The following AMBRA1 variants were observed in gnomAD, a reference collection of about 807,000 sequenced individuals.
The protein encoded by AMBRA1 is activating molecule in BECN1-regulated autophagy protein 1.
Under a neutral mutation model 125.4 loss-of-function variants are expected in AMBRA1, and 47 were observed. That is an observed-to-expected ratio of 0.37 (90% CI 0.30 to 0.48). AMBRA1 has a LOEUF of 0.48. Among genes scored for constraint, AMBRA1 ranks in the 20% least tolerant of loss-of-function variants. AMBRA1 has a pLI of 0.99. For synonymous variants in AMBRA1, 626 were observed against 655.5 expected, an observed-to-expected ratio of 0.95 and a Z score of 0.69; for missense variants, 1,331 against 1,693.4, an observed-to-expected ratio of 0.79 and a Z score of 3.76.
In AMBRA1 at chr11:46,587,333, T is replaced by C. The variant is rs564724979; in HGVS notation, c.-121+6495A>G. Among the ~76,000 whole-genome samples, 73 of 152,144 alleles carry C rather than the reference T, an allele frequency of 4.8e-4. 1 individual carries two copies. The highest frequency in any genetic ancestry group is 1.7e-3 in the African/African-American group (69 of 41,500). On this transcript the variant is annotated intron_variant, in intron 1 of 17. Transcript: ENST00000683756. ...AGGTGGAGGCTGCAGTGAGCCAAGA[T>C]TGCACCACTGCACTCCAGCCTGGGC...
At chr11:46,432,287 T>G (rs1467085324) in intron 14 of AMBRA1, among the ~76,000 whole-genome samples, 4 of 152,132 alleles carry the variant, frequency 2.6e-5, no homozygotes, top group Non-Finnish European at 5.9e-5. Flanking sequence ...TCTATTAAGA[T>G]GGATGCCACA....
At chr11:46,474,181 G>A (rs560415660) in intron 11 of AMBRA1, among the ~76,000 whole-genome samples, 2 of 151,932 alleles carry the variant, frequency 1.3e-5, no homozygotes, top group Admixed American at 6.6e-5. Context: ...AAAAAAAAGA[G>A]TAGCAATAAA....
At chr11:46,419,347 G>C (rs1038047694) in intron 14 of AMBRA1, among the ~76,000 whole-genome samples, 1 of 152,156 alleles carries the variant, frequency 6.6e-6, no homozygotes, top group African/African-American at 2.4e-5. Context: ...TAAAAGACAT[G>C]GGCTTTAGAG....
chr11:46,575,133 C>T (rs2043909205), intron 1 of AMBRA1, among the ~76,000 whole-genome samples: 2 of 152,074 alleles, frequency 1.3e-5, no homozygotes, highest in South Asian at 4.1e-4. Context: ...TCAGTAACTC[C>T]CTCTTAGTCC....
intron 15 of AMBRA1, among the ~76,000 whole-genome samples, chr11:46,416,516 C>T (rs1054972774): frequency 6.6e-6 from 1 of 152,182 alleles, no homozygotes; most frequent in Non-Finnish European, 1.5e-5. Context: ...CCCTAAGAAC[C>T]AGTTTTCCTT....
intron 7 of AMBRA1, among the ~76,000 whole-genome samples, chr11:46,539,534 G>A (rs989733062): frequency 6.6e-6 from 1 of 152,090 alleles, no homozygotes; most frequent in Admixed American, 6.5e-5. Context: ...TCTAGCCTGG[G>A]CAACAAGAGC....
intron 1 of AMBRA1, 143 bp downstream of exon 1, chr11:46,593,685 C>T (rs2044688593): frequency 5.6e-6 from 2 of 356,378 alleles, no homozygotes; most frequent in South Asian, 1.5e-4. Context: ...CCTCCGGCCG[C>T]GCCCCTCAAC....
chr11:46,511,338 C>T (rs73467946), intron 8 of AMBRA1, among the ~76,000 whole-genome samples: 2,882 of 152,268 alleles, frequency 0.019, 96 homozygotes, highest in African/African-American at 0.066. Flanking sequence ...GTTTTAAAGT[C>T]ATCAATCCTT....
chr11:46,467,674 G>A (rs995495712), intron 11 of AMBRA1, among the ~76,000 whole-genome samples: 8 of 151,146 alleles, frequency 5.3e-5, no homozygotes, highest in African/African-American at 1.5e-4. Context: ...TCAGCATCCC[G>A]AGTAGCACAC....
intron 1 of AMBRA1, among the ~76,000 whole-genome samples, chr11:46,584,672 G>C (rs917307891): frequency 4.6e-5 from 7 of 152,038 alleles, no homozygotes; most frequent in Admixed American, 4.6e-4. Flanking sequence ...GCAGTGGTGT[G>C]ATCTTGGCTC....
chr11:46,557,292 C>A (rs1233934904), intron 1 of AMBRA1, among the ~76,000 whole-genome samples: 1 of 141,822 alleles, frequency 7.1e-6, no homozygotes, highest in Non-Finnish European at 1.5e-5. Flanking sequence ...GAGAGTGAGA[C>A]TCCATCTCAA....
intron 4 of AMBRA1, chr11:46,546,033 C>CTTTT (rs35703280): frequency 0.013 from 1,820 of 139,130 alleles, 26 homozygotes; most frequent in Non-Finnish European, 0.02. Context: ...GTTCCTATTT[C>CTTTT]TTTTTTTTTT....
intron 7 of AMBRA1, among the ~76,000 whole-genome samples, chr11:46,541,427 A>G (rs1250672507): frequency 2.6e-5 from 4 of 151,590 alleles, no homozygotes; most frequent in Non-Finnish European, 5.9e-5. Flanking sequence ...ACATATATGT[A>G]TTTTTTTTTC....
intron 14 of AMBRA1, among the ~76,000 whole-genome samples, chr11:46,425,312 G>GTGTGTA (rs1447565828): frequency 1.1e-5 from 1 of 87,488 alleles, no homozygotes; most frequent in Non-Finnish European, 2.0e-5. Flanking sequence ...TGATCCATTT[G>GTGTGTA]TGTGTGTGTG....
chr11:46,435,285 C>T (rs1446257453), intron 12 of AMBRA1, among the ~76,000 whole-genome samples: 1 of 152,186 alleles, frequency 6.6e-6, no homozygotes, highest in African/African-American at 2.4e-5. Context: ...CCTGCTGAGT[C>T]TTAGTTCACA....
intron 11 of AMBRA1, among the ~76,000 whole-genome samples, chr11:46,485,003 T>C (rs1315936526): frequency 6.6e-6 from 1 of 150,842 alleles, no homozygotes; most frequent in African/African-American, 2.4e-5. Flanking sequence ...AATGGCGCGA[T>C]CTCAGCTCAC....
At chr11:46,428,892 G>A (rs547829504) in intron 14 of AMBRA1, 25 of 1,611,690 alleles carry the variant, frequency 1.6e-5, no homozygotes, top group Admixed American at 1.7e-5. Context: ...ACAATCTCTG[G>A]GGGCAGATGA....
intron 7 of AMBRA1, among the ~76,000 whole-genome samples, chr11:46,536,554 A>G (rs1952487967): frequency 6.6e-6 from 1 of 152,228 alleles, no homozygotes; most frequent in Non-Finnish European, 1.5e-5. Flanking sequence ...CCCTTTCTAT[A>G]GTAGTCAGGC....
In AMBRA1 at chr11:46,561,166, A is replaced by T. The variant is rs570918706; in HGVS notation, c.-120-12666T>A. 1.4e-4 allele frequency among the ~76,000 whole-genome samples: 22 copies of T among 152,242 alleles called. No homozygotes were observed. In the South Asian group the frequency reaches 4.6e-3, roughly 32 times the overall value. On this transcript the variant is annotated intron_variant, in intron 1 of 17. Coordinates refer to ENST00000683756, the MANE Select transcript of AMBRA1 (RefSeq NM_001387011.1). The stretch of plus-strand genomic sequence containing the variant: ...GAGGCCAAGGCAGGTGGATCACCTG[A>T]GGTCAGGAGTTCGAGACTAGCCTGG...
Sources: allele counts gnomAD v4.1 joint callset (sites outside exome capture counted in the v4.1 genomes callset), GRCh38; gene constraint gnomAD v4.1.1; transcripts MANE v1.5; gene names NCBI Gene and HGNC (gene_info 2026-07-23, HGNC 2026-07-21).